Variants in DLGAP1 observed in about 807,000 individuals in gnomAD.
The protein encoded by DLGAP1 is DLG associated protein 1.
A neutral mutation model predicts 90.8 loss-of-function variants in DLGAP1; 11 were observed. The ratio of observed to expected loss-of-function variants is 0.12; its 90% CI spans 0.08 to 0.20. The LOEUF (loss-of-function observed/expected upper bound fraction) is 0.20, where lower values mean the gene tolerates loss of function less well. Among genes scored for constraint, DLGAP1 ranks in the 10% least tolerant of loss-of-function variants. DLGAP1 has a pLI of 1.00. For synonymous variants in DLGAP1, 558 were observed against 540.7 expected (o/e 1.03, Z -0.44); for missense variants, 1,050 against 1,333.8 (o/e 0.79, Z 3.31).
At chr18:3,552,682 G>C (rs1388865230) in intron 9 of DLGAP1, among the ~76,000 whole-genome samples, 1 of 152,204 alleles carries the variant, frequency 6.6e-6, no homozygotes, top group East Asian at 1.9e-4. Context: ...CTCCAGGCCA[G>C]AGACCCTTAG....
intron 2 of DLGAP1, among the ~76,000 whole-genome samples, chr18:4,086,963 C>T (rs1015869653): frequency 2.0e-5 from 3 of 150,474 alleles, no homozygotes; most frequent in African/African-American, 4.9e-5. Context: ...GGTGCATACA[C>T]ATCATTATTT....
chr18:3,650,782 A>C (rs188275983), intron 7 of DLGAP1, among the ~76,000 whole-genome samples: 9 of 152,338 alleles, frequency 5.9e-5, no homozygotes, highest in East Asian at 1.9e-4. Flanking sequence ...AAAAATGTTG[A>C]AACTGGCCAG....
intron 1 of DLGAP1, among the ~76,000 whole-genome samples, chr18:4,200,506 T>A (rs9952413): frequency 0.082 from 12,459 of 151,750 alleles, 1,481 homozygotes; most frequent in African/African-American, 0.26. Flanking sequence ...TTATAAGATA[T>A]GTAACATCAC....
At chr18:4,314,803 TAAAAG>T (rs1251050457) in intron 1 of DLGAP1, among the ~76,000 whole-genome samples, 1 of 152,026 alleles carries the variant, frequency 6.6e-6, no homozygotes, top group African/African-American at 2.4e-5. Flanking sequence ...TGGTGAAGAA[TAAAAG>T]AAAAGTCTAA....
intron 3 of DLGAP1, among the ~76,000 whole-genome samples, chr18:3,911,438 G>A (rs1259042317): frequency 6.6e-6 from 1 of 152,048 alleles, no homozygotes; most frequent in Non-Finnish European, 1.5e-5. Context: ...CCTCATAATT[G>A]GAACTTTCAT....
chr18:3,603,124 G>A (rs902434043), intron 7 of DLGAP1: 4 of 152,090 alleles, frequency 2.6e-5, no homozygotes, highest in African/African-American at 9.7e-5. Flanking sequence ...AGAGGGAAGC[G>A]TTTTGATGGT....
intron 2 of DLGAP1, among the ~76,000 whole-genome samples, chr18:4,081,484 G>T (rs539116979): frequency 6.6e-6 from 1 of 152,214 alleles, no homozygotes; most frequent in East Asian, 1.9e-4. Flanking sequence ...AAAATATGGT[G>T]CTTTGACATG....
Position 4,330,247 on chromosome 18 carries a change from CTCTT to C in DLGAP1, c.-267+124755_-267+124758del, listed in dbSNP as rs530477913. 2.1e-4 allele frequency among the ~76,000 whole-genome samples: 32 copies of C among 149,408 alleles called. 1 individual carries two copies. Among genetic ancestry groups the C allele is most frequent in the South Asian group, 1.0e-3 (5 of 4,822 alleles). Reference sequence around the variant, plus strand: ...TCTTGATATTATTAATTTGTATTCTCTCTTTATTTTCTGATTGGACTGGCTAAGG... The same window carrying C: ...TCTTGATATTATTAATTTGTATTCTCTATTTTCTGATTGGACTGGCTAAGG... On this transcript the variant is annotated intron_variant, in intron 1 of 12. Coordinates refer to ENST00000315677, the MANE Select transcript of DLGAP1 (RefSeq NM_004746.4).
chr18:3,944,612 G>A (rs2072840149), intron 3 of DLGAP1, among the ~76,000 whole-genome samples: 1 of 152,240 alleles, frequency 6.6e-6, no homozygotes, highest in Admixed American at 6.5e-5. Context: ...CTGGGGCTGA[G>A]GCCCCATAAG....
rs1436940335 is a variant in DLGAP1, at chr18:3,938,450, T to C, written c.-72-58310A>G. Reference sequence around the variant, plus strand: ...CTTAGATGTATGAGAGTGCGACGCATGTAGAAATCTGGGAAAGGGCATTCT... The same window carrying C: ...CTTAGATGTATGAGAGTGCGACGCACGTAGAAATCTGGGAAAGGGCATTCT... On this transcript the variant is annotated intron_variant, in intron 3 of 12. Coordinates refer to ENST00000315677, the MANE Select transcript of DLGAP1 (RefSeq NM_004746.4). Among the ~76,000 whole-genome samples the C allele has an allele frequency of 3.3e-5, 5 of 152,154 alleles. No homozygotes were observed. In the East Asian group the frequency reaches 9.7e-4, roughly 30 times the overall value.
chr18:3,935,085 TG>T (rs1353538719), intron 3 of DLGAP1, among the ~76,000 whole-genome samples: 3 of 152,228 alleles, frequency 2.0e-5, no homozygotes, highest in Admixed American at 6.5e-5. Context: ...CATACTGGCC[TG>T]GCATAGGCAA....
At chr18:4,203,786 G>A (rs971277138) in intron 1 of DLGAP1, among the ~76,000 whole-genome samples, 1 of 152,162 alleles carries the variant, frequency 6.6e-6, no homozygotes, top group Admixed American at 6.5e-5. Context: ...TGGAAATGCA[G>A]AAATATACAC....
intron 1 of DLGAP1, among the ~76,000 whole-genome samples, chr18:4,208,222 G>A (rs1404299541): frequency 1.3e-5 from 2 of 152,182 alleles, no homozygotes; most frequent in African/African-American, 4.8e-5. Flanking sequence ...TTGTGTTTTG[G>A]AAGTTCACTT....
intron 1 of DLGAP1, among the ~76,000 whole-genome samples, chr18:4,410,582 A>G (rs1354707244): frequency 6.6e-6 from 1 of 152,304 alleles, no homozygotes; most frequent in Middle Eastern, 3.4e-3. Flanking sequence ...ATGGAAGTAT[A>G]AATTGCTTAA....
chr18:3,605,760 C>A (rs2057297217), intron 7 of DLGAP1, among the ~76,000 whole-genome samples: 1 of 152,234 alleles, frequency 6.6e-6, no homozygotes, highest in Non-Finnish European at 1.5e-5. Context: ...GACCCTCTAA[C>A]TTGAGCTTTC....
At chr18:4,283,788 C>G (rs1315369179) in intron 1 of DLGAP1, among the ~76,000 whole-genome samples, 1 of 148,328 alleles carries the variant, frequency 6.7e-6, no homozygotes, top group African/African-American at 2.6e-5. Context: ...ATATAGTTAA[C>G]AAGTAATTAG....
intron 2 of DLGAP1, among the ~76,000 whole-genome samples, chr18:4,138,968 C>T (rs1488161079): frequency 6.6e-6 from 1 of 151,886 alleles, no homozygotes; most frequent in African/African-American, 2.4e-5. Context: ...TAAATTTCTG[C>T]TGTATTGGTT....
intron 5 of DLGAP1, among the ~76,000 whole-genome samples, chr18:3,789,768 G>A (rs1051108302): frequency 6.6e-6 from 1 of 152,226 alleles, no homozygotes; most frequent in African/African-American, 2.4e-5. Context: ...GGGAGGACAT[G>A]AGTGAGGTTA....
intron 2 of DLGAP1, among the ~76,000 whole-genome samples, chr18:4,046,726 C>T (rs928058129): frequency 1.3e-5 from 2 of 152,204 alleles, no homozygotes; most frequent in African/African-American, 4.8e-5. Context: ...GGAGTGAATA[C>T]ATTGGGACAA....
Sources: gnomAD v4.1 joint callset for allele counts (sites outside exome capture counted in the v4.1 genomes callset) on GRCh38, gnomAD v4.1.1 for gene constraint, MANE v1.5 for transcripts, NCBI Gene and HGNC (gene_info 2026-07-23, HGNC 2026-07-21) for gene names.